STRN: variants seen among roughly 807,000 people sequenced by gnomAD.
The protein encoded by STRN is protein phosphatase 2 regulatory subunit B'''alpha.
Under a neutral mutation model 96.3 loss-of-function variants are expected in STRN, and 53 were observed. The ratio of observed to expected loss-of-function variants is 0.55; its 90% CI spans 0.44 to 0.69. The LOEUF (loss-of-function observed/expected upper bound fraction) is 0.69. Among genes scored for constraint, STRN ranks in the 30% least tolerant of loss-of-function variants. The pLI, the probability that STRN is intolerant of heterozygous loss-of-function variation, is 0.00. For missense variants in STRN, 987 were observed against 963.9 expected (o/e 1.02, Z -0.32); for synonymous variants, 428 against 355.9 (o/e 1.20, Z -2.28).
chr2:36,927,037 AC>A (rs1444703532), intron 1 of STRN, among the ~76,000 whole-genome samples: 1 of 152,126 alleles, frequency 6.6e-6, no homozygotes, highest in African/African-American at 2.4e-5. Context: ...ATGCAATCAA[AC>A]TTTGAAGGTA....
intron 15 of STRN, among the ~76,000 whole-genome samples, chr2:36,851,361 T>C (rs183089898): frequency 4.9e-4 from 75 of 152,130 alleles, no homozygotes; most frequent in African/African-American, 1.3e-3. Context: ...TGCGTGCCTG[T>C]AGTTCCAGCT....
intron 3 of STRN, among the ~76,000 whole-genome samples, chr2:36,905,940 G>C (rs1446031136): frequency 6.6e-6 from 1 of 152,066 alleles, no homozygotes; most frequent in African/African-American, 2.4e-5. Context: ...CCAAATAAAA[G>C]TATTATAAAG....
At chr2:36,900,452 G>C (rs2148197121) in intron 5 of STRN, among the ~76,000 whole-genome samples, 1 of 152,258 alleles carries the variant, frequency 6.6e-6, no homozygotes, top group South Asian at 2.1e-4. Flanking sequence ...AAGAGAAAAT[G>C]TGTACATAAA....
intron 12 of STRN, among the ~76,000 whole-genome samples, chr2:36,866,008 A>G (rs1668612676): frequency 1.3e-5 from 2 of 152,172 alleles, no homozygotes. Context: ...TTACCAATAA[A>G]TCATTCAGGA....
At chr2:36,940,177 G>C (rs1670809838) in intron 1 of STRN, among the ~76,000 whole-genome samples, 1 of 152,156 alleles carries the variant, frequency 6.6e-6, no homozygotes, top group Admixed American at 6.5e-5. Flanking sequence ...TAAGATATAT[G>C]TAGTAAACAT....
intron 1 of STRN, among the ~76,000 whole-genome samples, chr2:36,929,529 T>G (rs1324839962): frequency 2.6e-5 from 4 of 152,094 alleles, no homozygotes; most frequent in African/African-American, 9.7e-5. Context: ...GGATTACAGG[T>G]GCACACCACC....
chr2:36,861,178 C>T lies in STRN; in HGVS notation c.1623G>A (p.Gln541=), dbSNP rs754192312. The change falls in exon 13 of 18, where the codon CAG becomes CAA. Residue 541 remains glutamine (Q), a synonymous_variant. Transcript: ENST00000263918. ...CYSGGTDGLI[Q]GWNTTNPNID... Reference sequence around the variant, plus strand: ...TGTTGGGATTAGTGGTATTCCAGCCCTGGATCAGTCCATCAGTACCACCAC... The same window carrying T: ...TGTTGGGATTAGTGGTATTCCAGCCTTGGATCAGTCCATCAGTACCACCAC... 1 of 1,614,042 alleles carries T rather than the reference C, an allele frequency of 6.2e-7. No individual in the cohort carries two copies. Among genetic ancestry groups the T allele is most frequent in the Non-Finnish European group, 8.5e-7 (1 of 1,179,988 alleles).
At chr2:36,961,405 G>A (rs989866295) in intron 1 of STRN, among the ~76,000 whole-genome samples, 1 of 151,964 alleles carries the variant, frequency 6.6e-6, no homozygotes, top group Non-Finnish European at 1.5e-5. Flanking sequence ...AGGATTACAG[G>A]TTTTGAGCCA....
At chr2:36,852,305 A>C (rs558686171) in intron 15 of STRN, among the ~76,000 whole-genome samples, 5 of 152,252 alleles carry the variant, frequency 3.3e-5, no homozygotes, top group Non-Finnish European at 5.9e-5. Flanking sequence ...AAAGTTTTAA[A>C]AATTAAATTA....
intron 1 of STRN, among the ~76,000 whole-genome samples, chr2:36,940,218 C>G (rs1670810765): frequency 1.3e-5 from 2 of 151,968 alleles, no homozygotes; most frequent in African/African-American, 4.8e-5. Flanking sequence ...ATAAGATGTA[C>G]TTCGAAGGAA....
intron 12 of STRN, 87 bp from the exon 13 acceptor site, chr2:36,861,340 C>A: frequency 6.6e-7 from 1 of 1,504,650 alleles, no homozygotes; most frequent in Non-Finnish European, 9.0e-7. Context: ...TGTTTAATTA[C>A]CCAAATGGCT....
Position 36,841,986 on chromosome 2 carries a change from T to C in STRN, c.*7470A>G, listed in dbSNP as rs1221853035. ...TCTTTCCCCACACTCTCACCCAAGT[T>C]ATCCAGCCCCCAAAATAAACTGTTT... On this transcript the variant is annotated 3_prime_UTR_variant, in exon 18 of 18. Coordinates refer to ENST00000263918, the MANE Select transcript of STRN (RefSeq NM_003162.4). 1 of 152,222 alleles carries C rather than the reference T, an allele frequency of 6.6e-6. No individual in the cohort carries two copies. Among genetic ancestry groups the C allele is most frequent in the East Asian group, 1.9e-4 (1 of 5,190 alleles). 9.4% of individuals were successfully genotyped at this position (152,222 alleles called of 1,614,324 possible).
At chr2:36,895,825 G>A (rs1426366668) in intron 6 of STRN, among the ~76,000 whole-genome samples, 1 of 151,964 alleles carries the variant, frequency 6.6e-6, no homozygotes, top group Non-Finnish European at 1.5e-5. Context: ...TCGGGAGGCT[G>A]AGGCAGGAGA....
intron 3 of STRN, among the ~76,000 whole-genome samples, chr2:36,910,668 A>G (rs1413184461): frequency 6.6e-6 from 1 of 152,224 alleles, no homozygotes; most frequent in East Asian, 1.9e-4. Context: ...CCTGAAAAAG[A>G]AGGAAAAGAA....
intron 3 of STRN, among the ~76,000 whole-genome samples, chr2:36,913,867 T>C (rs1033111198): frequency 6.6e-6 from 1 of 152,166 alleles, no homozygotes; most frequent in Admixed American, 6.5e-5. Context: ...GGAGTAACCA[T>C]AGAGAAATTA....
At position 36,867,845 on chromosome 2, in the gene STRN, C is replaced by T; in HGVS notation, c.1516G>A (p.Val506Ile). The stretch of plus-strand genomic sequence containing the variant: ...GCTCTGAATGTATAGATAGGTTCTA[C>T]ATCAAGAGAAGTGCTCCTAAATCAG... ...APAKKSTSLD[V>I]EPIYTFRAHK... Residue 506 changes from valine to isoleucine, a missense_variant, in exon 12 of 18, where the codon GTA becomes ATA. Physicochemically the swap from Val to Ile is conservative, Grantham distance 29. Transcript: ENST00000263918. The T allele has an allele frequency of 6.3e-7, 1 of 1,594,026 alleles. No individual in the cohort carries two copies. Among genetic ancestry groups the T allele is most frequent in the South Asian group, 1.1e-5 (1 of 87,304 alleles).
At chr2:36,880,269 C>T (rs550176497) in intron 9 of STRN, among the ~76,000 whole-genome samples, 3 of 152,246 alleles carry the variant, frequency 2.0e-5, no homozygotes, top group African/African-American at 7.2e-5. Flanking sequence ...TGCCCGGCCT[C>T]TACAAAATTT....
chr2:36,947,102 T>G (rs1664596328), intron 1 of STRN, among the ~76,000 whole-genome samples: 1 of 152,114 alleles, frequency 6.6e-6, no homozygotes, highest in African/African-American at 2.4e-5. Flanking sequence ...TTTACCATGT[T>G]AGCCAGGATG....
intron 1 of STRN, among the ~76,000 whole-genome samples, chr2:36,949,091 T>C (rs564466113): frequency 3.3e-5 from 5 of 152,228 alleles, no homozygotes; most frequent in Non-Finnish European, 4.4e-5. Context: ...TCTACGTTTA[T>C]GGCTTGGATA....
Sources: gnomAD v4.1 joint callset for allele counts (sites outside exome capture counted in the v4.1 genomes callset) on GRCh38, gnomAD v4.1.1 for gene constraint, MANE v1.5 for transcripts, NCBI Gene and HGNC (gene_info 2026-07-23, HGNC 2026-07-21) for gene names.